DOCK5: variants seen among roughly 807,000 people sequenced by gnomAD.
DOCK5 encodes dedicator of cytokinesis 5, also known as dedicator of cytokinesis protein 5.
In DOCK5, 142 loss-of-function variants were observed where a neutral mutation model predicts 251.8. The observed-to-expected ratio is 0.56, with a 90% CI of 0.49 to 0.65. The LOEUF (loss-of-function observed/expected upper bound fraction) is 0.65. Among genes scored for constraint, DOCK5 ranks in the 30% least tolerant of loss-of-function variants. DOCK5 has a pLI of 0.00. For synonymous variants in DOCK5, 842 were observed against 835.5 expected, an observed-to-expected ratio of 1.01 and a Z score of -0.13; for missense variants, 2,111 against 2,312.3, an observed-to-expected ratio of 0.91 and a Z score of 1.79.
intron 18 of DOCK5, among the ~76,000 whole-genome samples, chr8:25,327,165 G>A (rs923973149): frequency 6.6e-6 from 1 of 152,104 alleles, no homozygotes; most frequent in East Asian, 1.9e-4. Flanking sequence ...ACTCACATTC[G>A]ATCTATATAG....
intron 2 of DOCK5, among the ~76,000 whole-genome samples, chr8:25,252,215 C>G (rs1160770656): frequency 6.6e-6 from 1 of 152,080 alleles, no homozygotes. Context: ...CTACTTGTTT[C>G]TTTCTCTACT....
rs1444301396 is a variant in DOCK5, at chr8:25,243,643, C to G, written c.44-31C>G. On this transcript the variant is annotated intron_variant, in intron 1 of 51. Coordinates refer to ENST00000276440, the MANE Select transcript of DOCK5 (RefSeq NM_024940.8). ...CGTGCCCAGCCAAGTGACATGCATT[C>G]TAATTTCCCTTTTTTATTTCTCATT... 2.5e-6 allele frequency: 4 copies of G among 1,601,950 alleles called. No homozygotes were observed. In the Admixed American group the frequency reaches 5.1e-5, roughly 20 times the overall value.
chr8:25,396,620 A>C (rs1330382745), intron 45 of DOCK5, among the ~76,000 whole-genome samples: 1 of 152,180 alleles, frequency 6.6e-6, no homozygotes, highest in Admixed American at 6.5e-5. Flanking sequence ...TACAGTGGTT[A>C]AATATTTTTT....
chr8:25,366,327 C>T (rs1800773605), intron 30 of DOCK5, among the ~76,000 whole-genome samples: 1 of 152,158 alleles, frequency 6.6e-6, no homozygotes, highest in Admixed American at 6.6e-5. Flanking sequence ...TCCATCTCTA[C>T]TAAAAATGCA....
At chr8:25,243,838 A>C (rs1803024687) in intron 2 of DOCK5, 81 bp downstream of exon 2, 1 of 1,311,660 alleles carries the variant, frequency 7.6e-7, no homozygotes, top group Non-Finnish European at 1.1e-6. Flanking sequence ...CTTAGAGTAA[A>C]CATCAACATG....
At chr8:25,298,180 CT>C (rs780131576) in intron 7 of DOCK5, among the ~76,000 whole-genome samples, 1 of 149,520 alleles carries the variant, frequency 6.7e-6, no homozygotes, top group Non-Finnish European at 1.5e-5. Context: ...TGTCAATTTT[CT>C]TTGGTTTGTT....
intron 42 of DOCK5, among the ~76,000 whole-genome samples, chr8:25,390,668 A>C (rs2709640): frequency 0.53 from 80,969 of 151,942 alleles, 23,433 homozygotes; most frequent in Non-Finnish European, 0.63. Context: ...TTTCACCCAA[A>C]AGCATCGCAG....
intron 40 of DOCK5, among the ~76,000 whole-genome samples, chr8:25,387,598 G>C (rs747898106): frequency 1.3e-5 from 2 of 152,140 alleles, no homozygotes; most frequent in Non-Finnish European, 2.9e-5. Flanking sequence ...CTTTCATCAT[G>C]CATCTCCTGC....
chr8:25,345,384 T>C, intron 25 of DOCK5, 91 bp from the exon 26 acceptor site: 1 of 1,550,790 alleles, frequency 6.4e-7, no homozygotes, highest in African/African-American at 1.3e-5. Flanking sequence ...TTAGAGCTAC[T>C]GGTACTGGTC....
At position 25,320,969 on chromosome 8, in the gene DOCK5, C is replaced by T. The variant is rs777283544; in HGVS notation, c.1543-11C>T. 3.1e-6 allele frequency: 5 copies of T among 1,610,458 alleles called. No homozygotes were observed. In the South Asian group the frequency reaches 4.4e-5, roughly 14 times the overall value. ...GTGTCTGTAAACTATTAATTTCTTA[C>T]TATGACACAGGTATCCATTGCTATA... On this transcript the variant is annotated splice_polypyrimidine_tract_variant and intron_variant, in intron 15 of 51. Transcript: ENST00000276440.
At chr8:25,257,902 T>C (rs1803460649) in intron 2 of DOCK5, among the ~76,000 whole-genome samples, 1 of 152,162 alleles carries the variant, frequency 6.6e-6, no homozygotes, top group African/African-American at 2.4e-5. Flanking sequence ...ATCTCAGCTT[T>C]CTTGACTGCT....
chr8:25,351,495 A>G, intron 26 of DOCK5: 1 of 458,028 alleles, frequency 2.2e-6, no homozygotes, highest in Non-Finnish European at 3.9e-6. Flanking sequence ...TTAAGAAGGC[A>G]CTCATCCCTG....
chr8:25,208,409 G>A (rs1489596435), intron 1 of DOCK5, among the ~76,000 whole-genome samples: 1 of 152,128 alleles, frequency 6.6e-6, no homozygotes, highest in African/African-American at 2.4e-5. Context: ...TTTCATGAAA[G>A]GAAGTATCAA....
rs754369486 is a variant in DOCK5, at chr8:25,389,113, G to A, written c.4154G>A (p.Gly1385Glu). ...FLRNKIFIYR[G>E]KEYERREDFS... Reference sequence around the variant, plus strand: ...CAGAATAAAATCTTCATCTATCGGGGAAAGGAGTATGAGAGGCGAGAGGAC... The same window carrying A: ...CAGAATAAAATCTTCATCTATCGGGAAAAGGAGTATGAGAGGCGAGAGGAC... Residue 1385 changes from glycine (G) to glutamate (E), a missense_variant, in exon 41 of 52, where the codon GGA becomes GAA. This residue lies in a region of DOCK5 where 1,717 missense variants were observed against 1,892.4 expected (regional missense o/e 0.91). Coordinates refer to ENST00000276440, the MANE Select transcript of DOCK5 (RefSeq NM_024940.8). The A allele has an allele frequency of 1.7e-5, 28 of 1,613,798 alleles. No individual in the cohort carries two copies. Among genetic ancestry groups the A allele is most frequent in the Admixed American group, 8.3e-5 (5 of 60,008 alleles).
At chr8:25,398,000 G>A (rs560889049) in intron 45 of DOCK5, among the ~76,000 whole-genome samples, 7 of 150,804 alleles carry the variant, frequency 4.6e-5, no homozygotes, top group African/African-American at 1.7e-4. Flanking sequence ...TTACATATTT[G>A]ATGTAATATG....
At chr8:25,267,235 G>A (rs1350675383) in intron 2 of DOCK5, among the ~76,000 whole-genome samples, 1 of 152,108 alleles carries the variant, frequency 6.6e-6, no homozygotes, top group Non-Finnish European at 1.5e-5. Flanking sequence ...TAAATCGGGG[G>A]AAGTGTTTCC....
chr8:25,326,110 CTT>C (rs1180795395), intron 18 of DOCK5, among the ~76,000 whole-genome samples: 7 of 152,272 alleles, frequency 4.6e-5, no homozygotes, highest in Admixed American at 1.3e-4. Flanking sequence ...TTTAACCTCT[CTT>C]GTGTAGATTA....
chr8:25,304,026 C>T (rs1443691687), intron 10 of DOCK5, among the ~76,000 whole-genome samples: 16 of 152,138 alleles, frequency 1.1e-4, no homozygotes, highest in Admixed American at 1.0e-3. Flanking sequence ...GGGTAGTCTG[C>T]AAAATTGATC....
chr8:25,368,684 C>T lies in DOCK5; in HGVS notation c.3397C>T (p.Gln1133Ter). ...ATIPIFFDMM[Q>*]CEFNFSGNGN... ...AATCCCCATTTTCTTTGATATGATG[C>T]AGTGTGAGTTCAATTTCAGTGGAAA... The change falls in exon 33 of 52, where the codon CAG (glutamine) becomes TAG (stop). Residue 1133 changes from glutamine (Q) to a stop codon, truncating the protein, a stop_gained. Coordinates refer to ENST00000276440, the MANE Select transcript of DOCK5 (RefSeq NM_024940.8). LOFTEE classifies it high-confidence loss of function. The T allele has an allele frequency of 6.2e-7, 1 of 1,613,692 alleles. No homozygotes were observed. Among genetic ancestry groups the T allele is most frequent in the Non-Finnish European group, 8.5e-7 (1 of 1,179,822 alleles).
Sources: gnomAD v4.1 joint callset for allele counts (sites outside exome capture counted in the v4.1 genomes callset) on GRCh38, gnomAD v4.1.1 for gene constraint, gnomAD v4.1.1 regional missense constraint, MANE v1.5 for transcripts, NCBI Gene and HGNC (gene_info 2026-07-23, HGNC 2026-07-21) for gene names.